MTSS1: variants seen among roughly 807,000 people sequenced by gnomAD.
MTSS1 encodes protein MTSS 1.
Under a neutral mutation model 79.0 loss-of-function variants are expected in MTSS1, and 18 were observed. That is an observed-to-expected ratio of 0.23 (90% CI 0.16 to 0.34). MTSS1 has a LOEUF of 0.34. Among genes scored for constraint, MTSS1 ranks in the 10% least tolerant of loss-of-function variants. MTSS1 has a pLI of 1.00. For missense variants in MTSS1, 815 were observed against 986.2 expected, an observed-to-expected ratio of 0.83 and a Z score of 2.33; for synonymous variants, 341 against 368.6, an observed-to-expected ratio of 0.93 and a Z score of 0.86.
At position 124,591,070 on chromosome 8, in the gene MTSS1, T is replaced by G. The variant is rs1015676373; in HGVS notation, c.293+81A>C. ...GTCAGACAGATTGTGGGGATTTAAA[T>G]GCTGTGTGCCACACATGACTGCTTC... On this transcript the variant is annotated intron_variant, in intron 4 of 13. Transcript: ENST00000518547. The G allele has an allele frequency of 2.6e-6, 3 of 1,150,172 alleles. No individual in the cohort carries two copies. The African/African-American group carries it at 4.6e-5, about 17-fold the overall frequency. The allele number at this position is 1,150,172 out of a possible 1,614,324, so 71.2% of individuals were successfully genotyped here. A position where few individuals can be genotyped will look rare whatever the true frequency, so the allele number is the denominator to read the frequency against.
intron 3 of MTSS1, among the ~76,000 whole-genome samples, chr8:124,680,600 A>G (rs1825970307): frequency 6.6e-6 from 1 of 152,234 alleles, no homozygotes; most frequent in Non-Finnish European, 1.5e-5. Context: ...CACTAATAGC[A>G]TATCATGTAC....
At chr8:124,681,363 A>G (rs150225878) in intron 3 of MTSS1, among the ~76,000 whole-genome samples, 1 of 152,254 alleles carries the variant, frequency 6.6e-6, no homozygotes, top group Admixed American at 6.5e-5. Flanking sequence ...TGCCATTCCC[A>G]GTTTCTGTTT....
chr8:124,588,226 CA>C (rs1437872534), intron 5 of MTSS1, among the ~76,000 whole-genome samples: 1 of 152,152 alleles, frequency 6.6e-6, no homozygotes, highest in African/African-American at 2.4e-5. Context: ...CCCATAGTCA[CA>C]AAGAGGCCTG....
At chr8:124,657,343 T>C (rs1241909722) in intron 3 of MTSS1, among the ~76,000 whole-genome samples, 2 of 152,124 alleles carry the variant, frequency 1.3e-5, no homozygotes, top group Non-Finnish European at 2.9e-5. Flanking sequence ...TGGGGGTTCA[T>C]CATAGTATTG....
At chr8:124,707,713 A>C (rs1455573922) in intron 1 of MTSS1, among the ~76,000 whole-genome samples, 1 of 99,658 alleles carries the variant, frequency 1.0e-5, no homozygotes, top group African/African-American at 3.4e-5. Flanking sequence ...ATCTCAAAAG[A>C]AAAAAAAAAA....
chr8:124,727,567 G>A lies in MTSS1; in HGVS notation c.72+317C>T. The A allele has an allele frequency of 1.9e-6, 1 of 525,906 alleles. No individual in the cohort carries two copies. Among genetic ancestry groups the A allele is most frequent in the South Asian group, 1.5e-5 (1 of 65,136 alleles). The allele number at this position is 525,906 out of a possible 1,614,324, so 32.6% of individuals were successfully genotyped here. On this transcript the variant is annotated intron_variant, in intron 1 of 13. Transcript: ENST00000518547. This position sits in a 1 kb window ranked among gnomAD's most constrained non-coding sequence, Gnocchi z 4.7. Reference sequence around the variant, plus strand: ...GCGGGTCCCAGACACTTACTTCAGGGACAGACAATGGGAAAACTTGCAGCC... The same window carrying A: ...GCGGGTCCCAGACACTTACTTCAGGAACAGACAATGGGAAAACTTGCAGCC...
At chr8:124,561,230 C>A (rs527630877) in intron 10 of MTSS1, among the ~76,000 whole-genome samples, 17 of 152,272 alleles carry the variant, frequency 1.1e-4, no homozygotes, top group African/African-American at 3.9e-4. Context: ...TCAGCCTGAC[C>A]AGCCTGGCAA....
Position 124,649,905 on chromosome 8 carries a change from G to A in MTSS1, c.208+49621C>T, listed in dbSNP as rs75040105. On this transcript the variant is annotated intron_variant, in intron 3 of 13. Transcript: ENST00000518547. ...CTCCTAGATATGGAAAAGACTAAGA[G>A]CATTGTCACCCAGGGTCTGTCTCCG... Among the ~76,000 whole-genome samples, 62 of 151,966 alleles carry A rather than the reference G, an allele frequency of 4.1e-4. No individual in the cohort carries two copies. In the East Asian group the frequency reaches 5.0e-3, roughly 12 times the overall value.
At chr8:124,676,011 T>C (rs1825224195) in intron 3 of MTSS1, among the ~76,000 whole-genome samples, 1 of 152,184 alleles carries the variant, frequency 6.6e-6, no homozygotes, top group South Asian at 2.1e-4. Context: ...GTATGTGAGG[T>C]AGACCCTGGT....
chr8:124,672,961 C>T (rs117144053), intron 3 of MTSS1, among the ~76,000 whole-genome samples: 3,488 of 152,070 alleles, frequency 0.023, 62 homozygotes, highest in Non-Finnish European at 0.036. Flanking sequence ...TGAGACCTCT[C>T]ATTTATTGTC....
At chr8:124,699,663 C>A in intron 2 of MTSS1, 64 bp from the exon 3 acceptor site, 1 of 1,458,650 alleles carries the variant, frequency 6.9e-7, no homozygotes, top group Non-Finnish European at 9.6e-7. Context: ...CATTACAGCT[C>A]AAGGCCTAAA....
At chr8:124,646,949 G>A (rs577247996) in intron 3 of MTSS1, among the ~76,000 whole-genome samples, 5 of 151,978 alleles carry the variant, frequency 3.3e-5, no homozygotes, top group South Asian at 2.1e-4. Flanking sequence ...GGCCTCAAAT[G>A]GTCCTCCCAC....
chr8:124,637,353 A>T (rs867686309), intron 3 of MTSS1, among the ~76,000 whole-genome samples: 4 of 152,220 alleles, frequency 2.6e-5, no homozygotes, highest in Admixed American at 2.0e-4. Context: ...TGGGATGGTG[A>T]CATTAAAGTG....
At chr8:124,570,005 G>C (rs938746031) in intron 6 of MTSS1, among the ~76,000 whole-genome samples, 3 of 152,160 alleles carry the variant, frequency 2.0e-5, no homozygotes, top group Non-Finnish European at 4.4e-5. Flanking sequence ...TTGGTCTGAA[G>C]AAAGAAAGGG....
chr8:124,670,239 A>G (rs1289765643), intron 3 of MTSS1, among the ~76,000 whole-genome samples: 1 of 152,208 alleles, frequency 6.6e-6, no homozygotes, highest in Admixed American at 6.5e-5. Context: ...CTGAAACCAC[A>G]CAAAGATCTG....
At position 124,576,420 on chromosome 8, in the gene MTSS1, G is replaced by A. The variant is rs532041093; in HGVS notation, c.461-7884C>T. ...TGTGGGGTCTACACTAACACTAGGT[G>A]TGTCATAACTGAATAGGACAGCAGC... On this transcript the variant is annotated intron_variant, in intron 6 of 13. Transcript: ENST00000518547. Among the ~76,000 whole-genome samples the A allele has an allele frequency of 3.3e-5, 5 of 152,294 alleles. No homozygotes were observed. The East Asian group carries it at 7.7e-4, about 23-fold the overall frequency.
chr8:124,623,886 C>T (rs76334749), intron 3 of MTSS1, among the ~76,000 whole-genome samples: 3 of 152,238 alleles, frequency 2.0e-5, no homozygotes, highest in Non-Finnish European at 2.9e-5. Flanking sequence ...TCCGGTGATC[C>T]GCCTACCTTG....
rs990803352 is a variant in MTSS1, at chr8:124,591,386, T to C, written c.209-151A>G. On this transcript the variant is annotated intron_variant, in intron 3 of 13. Transcript: ENST00000518547. Reference sequence around the variant, plus strand: ...GCTTCTCACCATGCCCATGTGTGCATACACACAGGCACATGTAAACATGTA... The same window carrying C: ...GCTTCTCACCATGCCCATGTGTGCACACACACAGGCACATGTAAACATGTA... The C allele has an allele frequency of 9.2e-6, 6 of 649,538 alleles. No homozygotes were observed. In the African/African-American group the frequency reaches 1.1e-4, roughly 12 times the overall value. The allele number at this position is 649,538 out of a possible 1,614,324, so 40.2% of individuals were successfully genotyped here.
At chr8:124,725,667 T>C (rs538705432) in intron 1 of MTSS1, among the ~76,000 whole-genome samples, 2 of 152,206 alleles carry the variant, frequency 1.3e-5, no homozygotes, top group Non-Finnish European at 2.9e-5. Flanking sequence ...TTTCAGATAT[T>C]AAAAACTGAC....
Sources: gnomAD v4.1 joint callset for allele counts (sites outside exome capture counted in the v4.1 genomes callset) on GRCh38, gnomAD v4.1.1 for gene constraint, Gnocchi (gnomAD v3.1) non-coding constraint, MANE v1.5 for transcripts, NCBI Gene and HGNC (gene_info 2026-07-23, HGNC 2026-07-21) for gene names.